CAMTA1: variants seen among roughly 807,000 people sequenced by gnomAD.
CAMTA1 encodes calmodulin-binding transcription activator 1.
A neutral mutation model predicts 170.9 loss-of-function variants in CAMTA1; 27 were observed. The ratio of observed to expected loss-of-function variants is 0.16; its 90% CI spans 0.12 to 0.22. The LOEUF (loss-of-function observed/expected upper bound fraction) is 0.22. Among genes scored for constraint, CAMTA1 ranks in the 10% least tolerant of loss-of-function variants. The probability of loss-of-function intolerance (pLI) is 1.00; values close to 1 mark genes in which losing one functional copy is unlikely to be tolerated. For missense variants in CAMTA1, 1,619 were observed against 2,217.2 expected, an observed-to-expected ratio of 0.73 and a Z score of 5.42; for synonymous variants, 833 against 891.5, an observed-to-expected ratio of 0.93 and a Z score of 1.17.
chr1:7,121,118 A>G (rs1481673397), intron 4 of CAMTA1, among the ~76,000 whole-genome samples: 2 of 152,236 alleles, frequency 1.3e-5, no homozygotes, highest in African/African-American at 4.8e-5. Context: ...TGCATCAACC[A>G]CATTACCTGG....
At chr1:7,468,581 C>T (rs770032640) in intron 6 of CAMTA1, among the ~76,000 whole-genome samples, 9 of 152,168 alleles carry the variant, frequency 5.9e-5, no homozygotes, top group Non-Finnish European at 1.0e-4. Context: ...GCCGTGTGGG[C>T]GGGAAGGTCT....
chr1:7,653,611 T>G (rs2095861129), intron 7 of CAMTA1, among the ~76,000 whole-genome samples: 1 of 152,148 alleles, frequency 6.6e-6, no homozygotes, highest in Admixed American at 6.5e-5. Context: ...CTGCCTGGCA[T>G]GGAGGATATG....
chr1:7,252,242 T>C (rs1023047689), intron 5 of CAMTA1, among the ~76,000 whole-genome samples: 2 of 152,230 alleles, frequency 1.3e-5, no homozygotes, highest in African/African-American at 4.8e-5. Context: ...ATTACAGTTT[T>C]CCCCACATCC....
chr1:7,586,612 C>A (rs914702993), intron 6 of CAMTA1, among the ~76,000 whole-genome samples: 1 of 152,168 alleles, frequency 6.6e-6, no homozygotes, highest in African/African-American at 2.4e-5. Flanking sequence ...CACTCCTCTG[C>A]CCTCAGCTCA....
chr1:7,607,432 T>C (rs1222285826), intron 6 of CAMTA1, among the ~76,000 whole-genome samples: 1 of 151,168 alleles, frequency 6.6e-6, no homozygotes, highest in Non-Finnish European at 1.5e-5. Flanking sequence ...GATGTGTAGA[T>C]GGAATGATAG....
chr1:7,204,343 C>G (rs559286870), intron 4 of CAMTA1, among the ~76,000 whole-genome samples: 16 of 151,944 alleles, frequency 1.1e-4, no homozygotes, highest in Non-Finnish European at 1.9e-4. Context: ...CACAGCATCC[C>G]GTAAGTTTTG....
intron 3 of CAMTA1, among the ~76,000 whole-genome samples, chr1:6,996,966 G>A (rs752435418): frequency 3.3e-5 from 5 of 152,116 alleles, no homozygotes; most frequent in Non-Finnish European, 5.9e-5. Context: ...TTTCCCTTAC[G>A]ATTTTTTCCT....
chr1:6,796,496 A>G (rs1395077700), intron 1 of CAMTA1, among the ~76,000 whole-genome samples: 1 of 152,192 alleles, frequency 6.6e-6, no homozygotes, highest in African/African-American at 2.4e-5. Flanking sequence ...GCTTTATTTC[A>G]GAGAGGTTAG....
chr1:7,413,516 C>T (rs1277159051), intron 5 of CAMTA1, among the ~76,000 whole-genome samples: 1 of 152,168 alleles, frequency 6.6e-6, no homozygotes, highest in Non-Finnish European at 1.5e-5. Context: ...CTCCTTGAAG[C>T]AATTGTGAAT....
chr1:6,970,540 G>A lies in CAMTA1; in HGVS notation c.235-120764G>A, dbSNP rs1205225911. ...TCACTCCAAGGGCCTGGCAAAGGAT[G>A]TGGCGACAGGACCCAGGGACTCCAC... is the stretch of plus-strand genomic sequence containing the variant. On this transcript the variant is annotated intron_variant, in intron 3 of 22. Transcript: ENST00000303635. The surrounding 1 kb of genome is among the most constrained non-coding windows in gnomAD (Gnocchi z 4.4). Among the ~76,000 whole-genome samples the A allele has an allele frequency of 6.6e-6, 1 of 152,148 alleles. No individual in the cohort carries two copies. The highest frequency in any genetic ancestry group is 2.4e-5 in the African/African-American group (1 of 41,434).
At chr1:6,819,406 A>G (rs1646231900) in intron 1 of CAMTA1, among the ~76,000 whole-genome samples, 1 of 152,048 alleles carries the variant, frequency 6.6e-6, no homozygotes, top group African/African-American at 2.4e-5. Flanking sequence ...CTTTCCTGTT[A>G]ACGGAATTCC....
At chr1:7,406,917 G>A (rs555326616) in intron 5 of CAMTA1, among the ~76,000 whole-genome samples, 11 of 152,186 alleles carry the variant, frequency 7.2e-5, no homozygotes, top group South Asian at 2.1e-4. Context: ...CCTAAGACAC[G>A]CACATCCAAC....
intron 3 of CAMTA1, among the ~76,000 whole-genome samples, chr1:7,070,989 T>G (rs1052022222): frequency 6.6e-6 from 1 of 152,230 alleles, no homozygotes; most frequent in African/African-American, 2.4e-5. Flanking sequence ...AGGGACAGTC[T>G]GAGCTTGCTC....
chr1:6,919,758 T>C (rs1445487793), intron 3 of CAMTA1, among the ~76,000 whole-genome samples: 1 of 152,168 alleles, frequency 6.6e-6, no homozygotes, highest in Non-Finnish European at 1.5e-5. Flanking sequence ...GCAAGTCACC[T>C]TATGCGGATG....
chr1:7,246,636 C>T (rs1007598688), intron 4 of CAMTA1, among the ~76,000 whole-genome samples: 2 of 150,762 alleles, frequency 1.3e-5, no homozygotes, highest in East Asian at 3.9e-4. Flanking sequence ...TTCCCTCCTC[C>T]TTCCTCTGAT....
chr1:7,564,781 G>A (rs1444023918), intron 6 of CAMTA1, among the ~76,000 whole-genome samples: 1 of 152,044 alleles, frequency 6.6e-6, no homozygotes, highest in African/African-American at 2.4e-5. Context: ...TGAAGCAGAG[G>A]AGGACAAGCA....
chr1:7,218,823 A>T (rs190644733), intron 4 of CAMTA1, among the ~76,000 whole-genome samples: 513 of 151,950 alleles, frequency 3.4e-3, no homozygotes, highest in African/African-American at 0.012. Flanking sequence ...TGATGTTTAT[A>T]GTGTCTCTTT....
intron 21 of CAMTA1, among the ~76,000 whole-genome samples, chr1:7,752,899 C>G (rs1167923189): frequency 6.6e-6 from 1 of 152,142 alleles, no homozygotes; most frequent in South Asian, 2.1e-4. Flanking sequence ...TATGCTAGCG[C>G]GTGTCCAAAC....
rs547643585 is a variant in CAMTA1 at position 7,192,521 on chromosome 1, G to T, written c.303-56970G>T. 2.6e-5 allele frequency among the ~76,000 whole-genome samples: 4 copies of T among 152,320 alleles called. No homozygotes were observed. In the East Asian group the frequency reaches 7.7e-4, roughly 30 times the overall value. On this transcript the variant is annotated intron_variant, in intron 4 of 22. Transcript: ENST00000303635. ...TGGGATCTCAAATCTGGGAATTTTTGAGTTAGATCTAGAACCTGAGGCTGG... is the reference window on the plus strand; with the variant it reads ...TGGGATCTCAAATCTGGGAATTTTTTAGTTAGATCTAGAACCTGAGGCTGG...
Sources: allele counts gnomAD v4.1 joint callset (sites outside exome capture counted in the v4.1 genomes callset), GRCh38; gene constraint gnomAD v4.1.1; non-coding constraint Gnocchi (gnomAD v3.1); transcripts MANE v1.5; gene names NCBI Gene and HGNC (gene_info 2026-07-23, HGNC 2026-07-21).